Variants in SSBP3 observed in about 807,000 individuals in gnomAD.
The protein encoded by SSBP3 is single-stranded DNA-binding protein 3.
In SSBP3, 5 loss-of-function variants were observed where a neutral mutation model predicts 69.6. The observed-to-expected ratio is 0.07, with a 90% CI of 0.04 to 0.15. The LOEUF is 0.15. SSBP3 is among the 10% of genes least tolerant of loss of function. The probability of loss-of-function intolerance (pLI) is 1.00; values close to 1 mark genes in which losing one functional copy is unlikely to be tolerated. For missense variants in SSBP3, 312 were observed against 534.0 expected, an observed-to-expected ratio of 0.58 and a Z score of 4.10; for synonymous variants, 196 against 193.4, an observed-to-expected ratio of 1.01 and a Z score of -0.11.
At chr1:54,398,508 A>G (rs1392486010) in intron 4 of SSBP3, among the ~76,000 whole-genome samples, 1 of 152,210 alleles carries the variant, frequency 6.6e-6, no homozygotes, top group Non-Finnish European at 1.5e-5. Context: ...CAAAGCGGAG[A>G]AGGTGGCCAG....
At chr1:54,255,903 C>G (rs1644912729) in intron 7 of SSBP3, among the ~76,000 whole-genome samples, 1 of 152,072 alleles carries the variant, frequency 6.6e-6, no homozygotes, top group African/African-American at 2.4e-5. Context: ...GAAAGCCTGT[C>G]TCTATTATAA....
intron 4 of SSBP3, among the ~76,000 whole-genome samples, chr1:54,358,571 A>G (rs112427586): frequency 6.6e-6 from 1 of 152,070 alleles, no homozygotes; most frequent in Admixed American, 6.6e-5. Context: ...AGATGGCATA[A>G]CCTCCATCCC....
chr1:54,406,199 G>A (rs1227806405), exon 1 of SSBP3: 3 of 452,310 alleles, frequency 6.6e-6, no homozygotes, highest in Non-Finnish European at 7.6e-6. Context: ...CTTTCCAGCT[G>A]TCAAAGCGTC....
At chr1:54,332,199 G>T (rs111815421) in intron 4 of SSBP3, among the ~76,000 whole-genome samples, 1 of 152,196 alleles carries the variant, frequency 6.6e-6, no homozygotes. Flanking sequence ...AGGAGGCAAG[G>T]GGGGTGGCAA....
intron 4 of SSBP3, among the ~76,000 whole-genome samples, chr1:54,375,910 G>A (rs926972921): frequency 6.6e-6 from 1 of 152,190 alleles, no homozygotes; most frequent in Non-Finnish European, 1.5e-5. Context: ...CCACAAGGTG[G>A]TGCTGACCAG....
chr1:54,227,112 C>T (rs747535779), exon 18 of SSBP3: 10 of 1,593,934 alleles, frequency 6.3e-6, no homozygotes, highest in Non-Finnish European at 7.7e-6. Flanking sequence ...GCTCTCTCAG[C>T]GTCTCGGAGA....
chr1:54,292,410 G>A (rs1172665707), intron 4 of SSBP3, among the ~76,000 whole-genome samples: 1 of 152,144 alleles, frequency 6.6e-6, no homozygotes, highest in Non-Finnish European at 1.5e-5. Context: ...ATGTACAAAT[G>A]ACAGGGTGGG....
At chr1:54,359,316 C>G (rs1646917249) in intron 4 of SSBP3, among the ~76,000 whole-genome samples, 1 of 151,298 alleles carries the variant, frequency 6.6e-6, no homozygotes, top group Non-Finnish European at 1.5e-5. Flanking sequence ...CAGAAATGGG[C>G]TACCCTGTCT....
intron 4 of SSBP3, among the ~76,000 whole-genome samples, chr1:54,310,889 G>A (rs1409015322): frequency 6.6e-6 from 1 of 152,254 alleles, no homozygotes; most frequent in Non-Finnish European, 1.5e-5. Context: ...CTGGGAGCAT[G>A]CAGATTGGCA....
intron 4 of SSBP3, among the ~76,000 whole-genome samples, chr1:54,365,015 G>A (rs372514383): frequency 1.3e-5 from 2 of 152,302 alleles, no homozygotes; most frequent in South Asian, 2.1e-4. Flanking sequence ...AAATGCAGAT[G>A]GAGAGGCCCC....
intron 4 of SSBP3, among the ~76,000 whole-genome samples, chr1:54,373,899 C>T (rs1647175669): frequency 6.6e-6 from 1 of 152,146 alleles, no homozygotes; most frequent in African/African-American, 2.4e-5. Flanking sequence ...CCGTGGGAGA[C>T]ATGAGTTGTT....
chr1:54,357,041 AAC>A (rs796188732), intron 4 of SSBP3, among the ~76,000 whole-genome samples: 6 of 150,614 alleles, frequency 4.0e-5, no homozygotes, highest in African/African-American at 1.5e-4. Context: ...TCACAGGGGT[AAC>A]AGAGGCCTAT....
chr1:54,292,816 C>G (rs536058519), intron 4 of SSBP3, among the ~76,000 whole-genome samples: 1 of 152,052 alleles, frequency 6.6e-6, no homozygotes, highest in Non-Finnish European at 1.5e-5. Context: ...ATCTCTGGTA[C>G]CTGATACCCC....
chr1:54,404,529 G>A (rs1176087138), intron 3 of SSBP3, 47 bp downstream of exon 3: 4 of 1,605,084 alleles, frequency 2.5e-6, no homozygotes, highest in Admixed American at 1.7e-5. Context: ...TGGACCCAGG[G>A]CTCACAACAA....
intron 4 of SSBP3, among the ~76,000 whole-genome samples, chr1:54,339,209 T>G (rs1646563642): frequency 6.6e-6 from 1 of 151,384 alleles, no homozygotes. Flanking sequence ...GAGAAGGGGG[T>G]CTTATCTTAT....
chr1:54,335,025 G>T (rs1646484764), intron 4 of SSBP3, among the ~76,000 whole-genome samples: 1 of 152,212 alleles, frequency 6.6e-6, no homozygotes, highest in Non-Finnish European at 1.5e-5. Context: ...CCCGGGAAGA[G>T]CTGCAACCCC....
intron 4 of SSBP3, among the ~76,000 whole-genome samples, chr1:54,396,724 G>A (rs1439682371): frequency 6.6e-6 from 1 of 152,192 alleles, no homozygotes; most frequent in African/African-American, 2.4e-5. Flanking sequence ...ATGGCATTAT[G>A]CGAAAGACTG....
chr1:54,384,105 CAAAAAAA>C (rs34137070), intron 4 of SSBP3, among the ~76,000 whole-genome samples: 3 of 94,112 alleles, frequency 3.2e-5, no homozygotes, highest in African/African-American at 1.2e-4. Context: ...GACTCCATCT[CAAAAAAA>C]AAAAAAAAAA....
chr1:54,240,192 C>T (rs958652920), intron 13 of SSBP3, among the ~76,000 whole-genome samples: 10 of 151,738 alleles, frequency 6.6e-5, no homozygotes, highest in Non-Finnish European at 1.2e-4. Context: ...GGTGTGGTGG[C>T]TCATGCCTGT....
Sources: gnomAD v4.1 joint callset for allele counts (sites outside exome capture counted in the v4.1 genomes callset) on GRCh38, gnomAD v4.1.1 for gene constraint, MANE v1.5 for transcripts, NCBI Gene and HGNC (gene_info 2026-07-23, HGNC 2026-07-21) for gene names.